The following TNKS2 variants were observed in gnomAD, a reference collection of about 807,000 sequenced individuals.
TNKS2 encodes the protein tankyrase 2, also known as poly [ADP-ribose] polymerase tankyrase-2.
In TNKS2, 72 loss-of-function variants were observed where a neutral mutation model predicts 137.6. The ratio of observed to expected loss-of-function variants is 0.52; its 90% CI spans 0.43 to 0.64. The LOEUF (loss-of-function observed/expected upper bound fraction) is 0.64, where lower values mean the gene tolerates loss of function less well. Among genes scored for constraint, TNKS2 ranks in the 30% least tolerant of loss-of-function variants. TNKS2 has a pLI of 0.00. For missense variants in TNKS2, 1,049 were observed against 1,410.2 expected (o/e 0.74, Z 4.10); for synonymous variants, 516 against 512.1 (o/e 1.01, Z -0.10).
intron 6 of TNKS2, among the ~76,000 whole-genome samples, chr10:91,820,878 T>C (rs1270036313): frequency 1.3e-5 from 2 of 152,146 alleles, no homozygotes; most frequent in Non-Finnish European, 2.9e-5. Context: ...GTTGAATGGA[T>C]ACAATGAGCG....
intron 2 of TNKS2, 134 bp from the exon 3 acceptor site, chr10:91,817,000 C>A: frequency 1.8e-6 from 1 of 561,206 alleles, no homozygotes; most frequent in Non-Finnish European, 3.2e-6. Context: ...GTAACATTCC[C>A]ATTCTGACAA....
At chr10:91,854,465 T>C (rs1418823927) in intron 21 of TNKS2, among the ~76,000 whole-genome samples, 2 of 152,178 alleles carry the variant, frequency 1.3e-5, no homozygotes, top group Non-Finnish European at 1.5e-5. Context: ...ATGACATCTA[T>C]AATTTAGTTA....
chr10:91,802,180 TTGGATTATTATA>T (rs1376515908), intron 1 of TNKS2, among the ~76,000 whole-genome samples: 5 of 152,220 alleles, frequency 3.3e-5, no homozygotes, highest in Non-Finnish European at 5.9e-5. Context: ...TAGACCGGAC[TTGGATTATTATA>T]TTCAATTGTG....
At chr10:91,849,436 G>T (rs1564626834) in intron 19 of TNKS2, 76 bp from the exon 20 acceptor site, 5 of 1,117,314 alleles carry the variant, frequency 4.5e-6, no homozygotes, top group Admixed American at 4.3e-5. Context: ...AACATTACAA[G>T]ACTTTACTGT....
rs1037729910 is a variant in TNKS2, at chr10:91,864,043, G to A, written c.*1044G>A. The A allele has an allele frequency of 1.3e-5, 2 of 151,650 alleles. No individual in the cohort carries two copies. The highest frequency in any genetic ancestry group is 4.8e-5 in the African/African-American group (2 of 41,304). 9.4% of individuals were successfully genotyped at this position (151,650 alleles called of 1,614,324 possible). A position where few individuals can be genotyped will look rare whatever the true frequency, so the allele number is the denominator to read the frequency against. On this transcript the variant is annotated 3_prime_UTR_variant, in exon 27 of 27. Transcript: ENST00000371627. ...TTTTATCCTAAGTATATTTTTTCCT[G>A]TTCTTTTTACTTGGTTTTATTGCTG...
At chr10:91,851,954 C>T (rs180728359) in intron 21 of TNKS2, among the ~76,000 whole-genome samples, 4 of 152,336 alleles carry the variant, frequency 2.6e-5, no homozygotes, top group South Asian at 2.1e-4. Context: ...TGTGGCCAAA[C>T]GCGGTGGCTC....
intron 26 of TNKS2, among the ~76,000 whole-genome samples, chr10:91,862,521 G>T (rs889966277): frequency 6.6e-6 from 1 of 151,830 alleles, no homozygotes; most frequent in Non-Finnish European, 1.5e-5. Flanking sequence ...TTCAAATTTC[G>T]CCAGTCGTTC....
chr10:91,836,885 G>A (rs1215014267), intron 12 of TNKS2, 34 bp from the exon 13 acceptor site: 1 of 1,597,702 alleles, frequency 6.3e-7, no homozygotes, highest in Admixed American at 1.8e-5. Context: ...CCAAATAGAG[G>A]TTAGTCACTC....
intron 1 of TNKS2, among the ~76,000 whole-genome samples, chr10:91,810,924 T>C (rs1167367415): frequency 3.0e-5 from 3 of 98,548 alleles, no homozygotes; most frequent in Non-Finnish European, 4.1e-5. Context: ...TCTTTTCTTT[T>C]TTTTTTTTTT....
Position 91,864,268 on chromosome 10 carries a change from C to T in TNKS2, c.*1269C>T, listed in dbSNP as rs9633689. The T allele has an allele frequency of 0.039, 5,919 of 152,668 alleles. 216 individuals are homozygous for T. The highest frequency in any genetic ancestry group is 0.2 in the East Asian group (1,054 of 5,166). 9.5% of individuals were successfully genotyped at this position (152,668 alleles called of 1,614,324 possible). On this transcript the variant is annotated 3_prime_UTR_variant, in exon 27 of 27. Transcript: ENST00000371627. The stretch of plus-strand genomic sequence containing the variant: ...GCACCATATGGTGACCACGCCTGTG[C>T]TCAGTTTGGCAGCTATAGAAGGAAA...
At chr10:91,840,843 T>G (rs983681908) in intron 14 of TNKS2, 137 bp downstream of exon 14, 5 of 795,382 alleles carry the variant, frequency 6.3e-6, no homozygotes, top group Admixed American at 3.1e-5. Context: ...ATAGAGCTTC[T>G]TAATTTCAAT....
chr10:91,807,137 T>C (rs1375366966), intron 1 of TNKS2: 42 of 1,508,532 alleles, frequency 2.8e-5, no homozygotes, highest in Middle Eastern at 2.4e-4. Context: ...TCAAAAGATA[T>C]TTACTTCCTA....
chr10:91,816,471 C>A (rs999455592), intron 2 of TNKS2, among the ~76,000 whole-genome samples: 9 of 152,254 alleles, frequency 5.9e-5, no homozygotes, highest in Admixed American at 4.6e-4. Context: ...TTTCAATGTA[C>A]CTACTCCACT....
intron 9 of TNKS2, among the ~76,000 whole-genome samples, chr10:91,829,734 G>A (rs914081975): frequency 1.3e-4 from 20 of 152,118 alleles, no homozygotes; most frequent in Non-Finnish European, 4.4e-5. Flanking sequence ...TCAAAGAATG[G>A]ATCTGCAGCA....
In TNKS2 at chr10:91,851,268, G is replaced by A. The variant is rs1038474332; in HGVS notation, c.2747G>A (p.Gly916Glu). 2 of 1,613,084 alleles carry A rather than the reference G, an allele frequency of 1.2e-6. No individual in the cohort carries two copies. The highest frequency in any genetic ancestry group is 1.7e-6 in the Non-Finnish European group (2 of 1,179,734). Residue 916 changes from glycine to glutamate, a missense_variant, in exon 21 of 27, where the codon GGA becomes GAA. Transcript: ENST00000371627. ...GGGCACAAGGAGCTGAAGGAGATTG[G>A]AATCAATGCTTATGGACATAGGCAC... ...EMGHKELKEI[G>E]INAYGHRHKL... is the part of the protein sequence containing the mutation.
rs202145942 is a variant in TNKS2 at position 91,828,418 on chromosome 10, G to T, written c.1104+12G>T. On this transcript the variant is annotated intron_variant, in intron 9 of 26. Transcript: ENST00000371627. Reference sequence around the variant, plus strand: ...ATGAAACAGCATTGGTAATGTTTCAGATTTAAGTTTTTAAAATACAATAAC... The same window carrying T: ...ATGAAACAGCATTGGTAATGTTTCATATTTAAGTTTTTAAAATACAATAAC... 1.7e-4 allele frequency: 268 copies of T among 1,546,002 alleles called. 3 individuals carry two copies. The highest frequency in any genetic ancestry group is 5.6e-4 in the Admixed American group (26 of 46,566).
chr10:91,850,629 G>C (rs1842513842), intron 20 of TNKS2, among the ~76,000 whole-genome samples: 1 of 152,048 alleles, frequency 6.6e-6, no homozygotes, highest in South Asian at 2.1e-4. Flanking sequence ...TGAGGCAGGA[G>C]AATCGCTTGA....
At chr10:91,816,639 A>G (rs894520401) in intron 2 of TNKS2, among the ~76,000 whole-genome samples, 2 of 151,586 alleles carry the variant, frequency 1.3e-5, no homozygotes, top group African/African-American at 4.9e-5. Flanking sequence ...TAAGGAAGCT[A>G]TTCAGTTTTT....
At chr10:91,821,366 A>G (rs1589658671) in intron 6 of TNKS2, among the ~76,000 whole-genome samples, 1 of 152,026 alleles carries the variant, frequency 6.6e-6, no homozygotes. Context: ...ATACAGGAAC[A>G]TAGTGGTAGC....
Sources: gnomAD v4.1 joint callset for allele counts (sites outside exome capture counted in the v4.1 genomes callset) on GRCh38, gnomAD v4.1.1 for gene constraint, MANE v1.5 for transcripts, NCBI Gene and HGNC (gene_info 2026-07-23, HGNC 2026-07-21) for gene names.